PARD3B: variants seen among roughly 807,000 people sequenced by gnomAD.
PARD3B encodes partitioning defective 3 homolog B.
A neutral mutation model predicts 130.2 loss-of-function variants in PARD3B; 103 were observed. The ratio of observed to expected loss-of-function variants is 0.79; its 90% confidence interval spans 0.67 to 0.93. The LOEUF is 0.93. Ranked by LOEUF, PARD3B falls within the 40% of genes least tolerant of loss-of-function variation. PARD3B has a pLI of 0.00. For missense variants in PARD3B, 1,609 were observed against 1,499.2 expected (o/e 1.07, Z -1.21); for synonymous variants, 583 against 553.2 (o/e 1.05, Z -0.76).
At chr2:205,394,327 G>T (rs1327914238) in intron 18 of PARD3B, among the ~76,000 whole-genome samples, 1 of 152,102 alleles carries the variant, frequency 6.6e-6, no homozygotes. Flanking sequence ...TTTGTGGATA[G>T]AAACCATTTT....
intron 1 of PARD3B, among the ~76,000 whole-genome samples, chr2:204,594,800 CAAAG>C (rs1335453565): frequency 6.6e-6 from 1 of 151,976 alleles, no homozygotes; most frequent in East Asian, 1.9e-4. Context: ...TAACGTATAA[CAAAG>C]AAATTAAAAA....
At position 205,027,353 on chromosome 2, in the gene PARD3B, A is replaced by C. The variant is rs114953659; in HGVS notation, c.395-20228A>C. ...TTTTATATATCTGTTGGCCATTTGT[A>C]TGTATTCTTTGAAAAAAATGTCTAT... On this transcript the variant is annotated intron_variant, in intron 3 of 22. Coordinates refer to ENST00000406610, the MANE Select transcript of PARD3B (RefSeq NM_001302769.2). 7.7e-3 allele frequency among the ~76,000 whole-genome samples: 1,175 copies of C among 152,198 alleles called. 11 individuals carry two copies. The highest frequency in any genetic ancestry group is 0.027 in the African/African-American group (1,113 of 41,540).
chr2:204,658,980 C>T (rs912670790), intron 1 of PARD3B, among the ~76,000 whole-genome samples: 6 of 152,128 alleles, frequency 3.9e-5, no homozygotes, highest in African/African-American at 1.4e-4. Context: ...GAGGTCTATA[C>T]AGCAAATATC....
chr2:204,935,429 C>G (rs765666111), intron 2 of PARD3B, among the ~76,000 whole-genome samples: 1 of 150,840 alleles, frequency 6.6e-6, no homozygotes, highest in African/African-American at 2.4e-5. Context: ...GTCCCAGCTA[C>G]TCGGGAGGCT....
At position 205,584,355 on chromosome 2, in the gene PARD3B, T is replaced by G. The variant is rs909924925; in HGVS notation, c.3260+30952T>G. Among the ~76,000 whole-genome samples the G allele has an allele frequency of 6.6e-6, 1 of 152,210 alleles. No individual in the cohort carries two copies. Among genetic ancestry groups the G allele is most frequent in the African/African-American group, 2.4e-5 (1 of 41,450 alleles). Reference sequence around the variant, plus strand: ...ATAAATTATTAAAATTAGTTTTACTTTTGAATGTGGATACAAGAAAGTTTT... The same window carrying G: ...ATAAATTATTAAAATTAGTTTTACTGTTGAATGTGGATACAAGAAAGTTTT... On this transcript the variant is annotated intron_variant, in intron 22 of 22. Transcript: ENST00000406610. The surrounding 1 kb of genome is among the most constrained non-coding windows in gnomAD (Gnocchi z 5.5).
intron 10 of PARD3B, among the ~76,000 whole-genome samples, chr2:205,137,041 A>C (rs1385351545): frequency 6.6e-6 from 1 of 152,224 alleles, no homozygotes; most frequent in Non-Finnish European, 1.5e-5. Context: ...GATAATGCTA[A>C]GTGGTATTAG....
intron 4 of PARD3B, among the ~76,000 whole-genome samples, chr2:205,088,372 C>A (rs1481444356): frequency 6.6e-6 from 1 of 151,794 alleles, no homozygotes; most frequent in Non-Finnish European, 1.5e-5. Context: ...TTATTCAATC[C>A]AAGTGGACAG....
chr2:205,008,482 G>A (rs186085942), intron 3 of PARD3B, among the ~76,000 whole-genome samples: 4 of 152,042 alleles, frequency 2.6e-5, no homozygotes, highest in African/African-American at 9.6e-5. Flanking sequence ...CCTCAACAAC[G>A]TTGACCTTTG....
At chr2:205,256,439 A>G (rs1471504264) in intron 16 of PARD3B, among the ~76,000 whole-genome samples, 2 of 152,194 alleles carry the variant, frequency 1.3e-5, no homozygotes, top group South Asian at 4.1e-4. Context: ...GTTTAGTAGC[A>G]ACAATAGGAA....
intron 3 of PARD3B, among the ~76,000 whole-genome samples, chr2:204,985,603 G>A (rs1693063777): frequency 6.6e-6 from 1 of 152,148 alleles, no homozygotes; most frequent in South Asian, 2.1e-4. Context: ...ACCGAACTGA[G>A]CATCTGCCGC....
chr2:205,180,168 A>G (rs1254094579), intron 13 of PARD3B, among the ~76,000 whole-genome samples: 4 of 151,346 alleles, frequency 2.6e-5, no homozygotes, highest in Non-Finnish European at 5.9e-5. Flanking sequence ...ATCTATTATT[A>G]TATTTTCTTT....
chr2:205,218,923 T>C (rs570643760), intron 15 of PARD3B, among the ~76,000 whole-genome samples: 5 of 151,910 alleles, frequency 3.3e-5, no homozygotes, highest in East Asian at 3.9e-4. Context: ...CCACTAAAAA[T>C]ACAAAAATCA....
chr2:205,295,557 G>T (rs1258786549), intron 16 of PARD3B, among the ~76,000 whole-genome samples: 1 of 152,146 alleles, frequency 6.6e-6, no homozygotes. Context: ...TAATTACAAA[G>T]CTCTAGCTGG....
At chr2:205,498,407 CAGG>C (rs1225980358) in intron 20 of PARD3B, among the ~76,000 whole-genome samples, 1 of 151,620 alleles carries the variant, frequency 6.6e-6, no homozygotes, top group Non-Finnish European at 1.5e-5. Context: ...GAGGCTGAGA[CAGG>C]AGAATTGCTT....
intron 3 of PARD3B, among the ~76,000 whole-genome samples, chr2:204,974,342 G>A (rs999147989): frequency 3.3e-5 from 5 of 152,034 alleles, no homozygotes; most frequent in Non-Finnish European, 7.4e-5. Context: ...GGGGAAAATG[G>A]GTAGGCTTAT....
chr2:205,272,157 CAA>C (rs764741961), intron 16 of PARD3B, among the ~76,000 whole-genome samples: 34 of 96,460 alleles, frequency 3.5e-4, no homozygotes, highest in Admixed American at 3.4e-4. Context: ...GACTCTGTCT[CAA>C]AAAAAAAAAA....
intron 1 of PARD3B, among the ~76,000 whole-genome samples, chr2:204,640,786 T>G (rs1231237213): frequency 3.3e-5 from 5 of 151,886 alleles, no homozygotes; most frequent in African/African-American, 1.2e-4. Flanking sequence ...CAGTAAATAT[T>G]TATTAAGTAT....
At chr2:204,581,883 C>T (rs1013800953) in intron 1 of PARD3B, among the ~76,000 whole-genome samples, 11 of 152,220 alleles carry the variant, frequency 7.2e-5, no homozygotes, top group African/African-American at 2.7e-4. Flanking sequence ...TCCTACTCTG[C>T]TGCTTCCCAA....
At chr2:205,194,165 A>G (rs543159812) in intron 15 of PARD3B, among the ~76,000 whole-genome samples, 2 of 152,330 alleles carry the variant, frequency 1.3e-5, no homozygotes, top group South Asian at 4.1e-4. Flanking sequence ...TTCTCAAGGC[A>G]TATTATATAT....
Sources: gnomAD v4.1 joint callset for allele counts (sites outside exome capture counted in the v4.1 genomes callset) on GRCh38, gnomAD v4.1.1 for gene constraint, Gnocchi (gnomAD v3.1) non-coding constraint, MANE v1.5 for transcripts, NCBI Gene and HGNC (gene_info 2026-07-23, HGNC 2026-07-21) for gene names.